CNTNAP2: variants seen among roughly 807,000 people sequenced by gnomAD.
CNTNAP2 encodes the protein contactin associated protein 2.
CNTNAP2 carries 98 observed loss-of-function variants against 155.2 expected under a neutral mutation model. The ratio of observed to expected loss-of-function variants is 0.63; its 90% CI spans 0.54 to 0.75. CNTNAP2 has a LOEUF of 0.75. CNTNAP2 is among the 30% of genes least tolerant of loss of function. The probability of loss-of-function intolerance (pLI) is 0.00; values close to 1 mark genes in which losing one functional copy is unlikely to be tolerated. For synonymous variants in CNTNAP2, 651 were observed against 631.2 expected (o/e 1.03, Z -0.47); for missense variants, 1,727 against 1,688.1 (o/e 1.02, Z -0.40).
At chr7:147,910,149 A>T (rs1298045836) in intron 14 of CNTNAP2, among the ~76,000 whole-genome samples, 1 of 152,230 alleles carries the variant, frequency 6.6e-6, no homozygotes, top group African/African-American at 2.4e-5. Context: ...GAATATTTTT[A>T]AAAATAATCG....
At chr7:147,060,956 C>CT (rs1360018301) in intron 4 of CNTNAP2, among the ~76,000 whole-genome samples, 1 of 152,056 alleles carries the variant, frequency 6.6e-6, no homozygotes, top group Non-Finnish European at 1.5e-5. Context: ...TATGGATAAC[C>CT]TTTTTTATGT....
chr7:146,675,078 G>T (rs943032803), intron 1 of CNTNAP2, among the ~76,000 whole-genome samples: 1 of 152,124 alleles, frequency 6.6e-6, no homozygotes, highest in Non-Finnish European at 1.5e-5. Context: ...GACTGTGGCT[G>T]TTGGCAGGCA....
At position 146,795,605 on chromosome 7, in the gene CNTNAP2, G is replaced by C. The variant is rs765864114; in HGVS notation, c.208+21224G>C. Among the ~76,000 whole-genome samples, 122 of 152,302 alleles carry C rather than the reference G, an allele frequency of 8.0e-4. 2 individuals are homozygous for C. The highest frequency in any genetic ancestry group is 2.1e-4 in the Non-Finnish European group (14 of 68,040). ...TGTCTGAAGCAGGGGCTAGAAGCTG[G>C]AGACTTTATATGCCTACATCTATCA... On this transcript the variant is annotated intron_variant, in intron 2 of 23. Coordinates refer to ENST00000361727, the MANE Select transcript of CNTNAP2 (RefSeq NM_014141.6).
At chr7:148,130,352 T>C (rs1214582697) in intron 16 of CNTNAP2, among the ~76,000 whole-genome samples, 2 of 152,220 alleles carry the variant, frequency 1.3e-5, no homozygotes, top group Non-Finnish European at 2.9e-5. Flanking sequence ...GGAACATAGA[T>C]GTGAACATAA....
chr7:146,645,135 T>C (rs1253646156), intron 1 of CNTNAP2, among the ~76,000 whole-genome samples: 2 of 152,190 alleles, frequency 1.3e-5, no homozygotes, highest in East Asian at 1.9e-4. Context: ...TGCACTGATA[T>C]GTACTTTGAT....
Position 147,009,614 on chromosome 7 carries a change from G to A in CNTNAP2, c.403-34293G>A, listed in dbSNP as rs562724885. Reference sequence around the variant, plus strand: ...AATGAAAGGAAATACATATAAATATGGATCATTTCAGATAAAAATAAGGCT... The same window carrying A: ...AATGAAAGGAAATACATATAAATATAGATCATTTCAGATAAAAATAAGGCT... On this transcript the variant is annotated intron_variant, in intron 3 of 23. Transcript: ENST00000361727. Among the ~76,000 whole-genome samples the A allele has an allele frequency of 2.0e-5, 3 of 152,150 alleles. No individual in the cohort carries two copies. The East Asian group carries it at 5.8e-4, about 29-fold the overall frequency.
chr7:146,673,928 T>C (rs1800352378), intron 1 of CNTNAP2, among the ~76,000 whole-genome samples: 1 of 152,166 alleles, frequency 6.6e-6, no homozygotes, highest in Admixed American at 6.5e-5. Context: ...AATTAGCCAG[T>C]CAGAGTGTGT....
chr7:147,903,314 G>C (rs1385580062), intron 13 of CNTNAP2, among the ~76,000 whole-genome samples: 1 of 152,050 alleles, frequency 6.6e-6, no homozygotes, highest in Non-Finnish European at 1.5e-5. Context: ...CCCACTTTTT[G>C]ATGGGATTGT....
chr7:147,697,492 C>G (rs1796179102), intron 13 of CNTNAP2, among the ~76,000 whole-genome samples: 2 of 152,120 alleles, frequency 1.3e-5, no homozygotes, highest in Admixed American at 1.3e-4. Context: ...CCTACCATAT[C>G]TGACTCTGGT....
In CNTNAP2 at chr7:147,132,437, C is replaced by A. The variant is rs187441681; in HGVS notation, c.1276C>A (p.Leu426Ile). The change falls in exon 8 of 24, where the codon CTC becomes ATC. Residue 426 changes from leucine (L) to isoleucine (I), a missense_variant. Transcript: ENST00000361727. ...TAATTTGGGCAATGTGGAGATTGAC[C>A]TCACTGAAAGCAAAGTGGGTGTTCA... ...ADNLGNVEID[L>I]TESKVGVHIN... is the part of the protein sequence containing the mutation. The A allele has an allele frequency of 1.2e-5, 19 of 1,613,614 alleles. No individual in the cohort carries two copies. The East Asian group carries it at 4.2e-4, about 36-fold the overall frequency.
chr7:146,200,471 T>G (rs1315019357), intron 1 of CNTNAP2, among the ~76,000 whole-genome samples: 1 of 151,612 alleles, frequency 6.6e-6, no homozygotes, highest in African/African-American at 2.4e-5. Flanking sequence ...TCCAGCCTGG[T>G]GACAGAGCAA....
At chr7:148,388,579 A>C (rs906305341) in intron 22 of CNTNAP2, among the ~76,000 whole-genome samples, 2 of 152,082 alleles carry the variant, frequency 1.3e-5, no homozygotes, top group African/African-American at 4.8e-5. Flanking sequence ...AGTCTTTGCA[A>C]TTGTGAATAG....
At chr7:146,525,564 CTATCTA>C (rs1797677583) in intron 1 of CNTNAP2, among the ~76,000 whole-genome samples, 1 of 147,158 alleles carries the variant, frequency 6.8e-6, no homozygotes, top group African/African-American at 2.7e-5. Context: ...ATCTATCTAT[CTATCTA>C]TCTATCTCTC....
At chr7:146,715,101 C>T (rs903785253) in intron 1 of CNTNAP2, among the ~76,000 whole-genome samples, 5 of 152,050 alleles carry the variant, frequency 3.3e-5, no homozygotes, top group East Asian at 1.9e-4. Flanking sequence ...GAGACTGAGG[C>T]GGGCAGTTCA....
At chr7:147,733,834 A>C (rs931696665) in intron 13 of CNTNAP2, among the ~76,000 whole-genome samples, 4 of 152,200 alleles carry the variant, frequency 2.6e-5, no homozygotes, top group Non-Finnish European at 5.9e-5. Context: ...ATTGGTGTAT[A>C]AGAATGCTTG....
intron 14 of CNTNAP2, among the ~76,000 whole-genome samples, chr7:147,917,410 C>T (rs1363892854): frequency 6.6e-6 from 1 of 152,228 alleles, no homozygotes; most frequent in Non-Finnish European, 1.5e-5. Context: ...GAAGTCCAGG[C>T]TCCTTCCAGC....
At chr7:147,894,719 GACTGTGCTGGGTCTTATCTC>G (rs1563126671) in intron 13 of CNTNAP2, among the ~76,000 whole-genome samples, 1 of 151,896 alleles carries the variant, frequency 6.6e-6, no homozygotes, top group Non-Finnish European at 1.5e-5. Context: ...ATGTCCCAGA[GACTGTGCTGGGTCTTATCTC>G]AGAGGGCGCC....
Position 147,253,598 on chromosome 7 carries a change from A to G in CNTNAP2, c.1349-46543A>G, listed in dbSNP as rs552031092. 1.4e-4 allele frequency among the ~76,000 whole-genome samples: 22 copies of G among 152,322 alleles called. No individual in the cohort carries two copies. In the East Asian group the frequency reaches 4.3e-3, roughly 29 times the overall value. ...GCAGAGAAAGAATAACCAGGTGTAC[A>G]TAATGATAACTAGGAAATACAAAAC... On this transcript the variant is annotated intron_variant, in intron 8 of 23. Transcript: ENST00000361727.
At chr7:146,411,346 C>T (rs899617331) in intron 1 of CNTNAP2, among the ~76,000 whole-genome samples, 17 of 151,780 alleles carry the variant, frequency 1.1e-4, no homozygotes, top group Non-Finnish European at 1.8e-4. Context: ...TTAGTAGAGA[C>T]GGGGTTTCAC....
Sources: allele counts gnomAD v4.1 joint callset (sites outside exome capture counted in the v4.1 genomes callset), GRCh38; gene constraint gnomAD v4.1.1; transcripts MANE v1.5; gene names NCBI Gene and HGNC (gene_info 2026-07-23, HGNC 2026-07-21).